Variants in KALRN observed in about 807,000 individuals in gnomAD.
The protein encoded by KALRN is kalirin.
A neutral mutation model predicts 353.7 loss-of-function variants in KALRN; 70 were observed. The observed-to-expected ratio is 0.20, with a 90% CI of 0.16 to 0.24. KALRN has a LOEUF of 0.24. Ranked by LOEUF, KALRN falls within the 10% of genes least tolerant of loss-of-function variation. The pLI is 1.00. For synonymous variants in KALRN, 1,391 were observed against 1,434.8 expected, an observed-to-expected ratio of 0.97 and a Z score of 0.69; for missense variants, 2,791 against 3,756.7, an observed-to-expected ratio of 0.74 and a Z score of 6.72.
At chr3:124,345,519 A>C (rs116105029) in intron 9 of KALRN, among the ~76,000 whole-genome samples, 1,644 of 152,320 alleles carry the variant, frequency 0.011, 12 homozygotes, top group Non-Finnish European at 0.017. Flanking sequence ...TGTTTGCAAA[A>C]GGTAAAAATC....
chr3:124,137,317 A>T (rs180934672), intron 1 of KALRN, among the ~76,000 whole-genome samples: 1 of 152,192 alleles, frequency 6.6e-6, no homozygotes, highest in Non-Finnish European at 1.5e-5. Flanking sequence ...TGGCAAGTCC[A>T]TAAGAGTGGG....
chr3:124,372,428 A>G (rs1456420551), intron 10 of KALRN, among the ~76,000 whole-genome samples: 1 of 152,070 alleles, frequency 6.6e-6, no homozygotes, highest in South Asian at 2.1e-4. Flanking sequence ...TGTGAATTCC[A>G]GATCAACATC....
At chr3:124,346,513 AATTT>A (rs2082275910) in intron 9 of KALRN, among the ~76,000 whole-genome samples, 3 of 152,122 alleles carry the variant, frequency 2.0e-5, no homozygotes, top group Non-Finnish European at 2.9e-5. Flanking sequence ...CAAACACTTT[AATTT>A]ATTTGTTTGT....
chr3:124,135,393 G>A (rs531372690), intron 1 of KALRN, among the ~76,000 whole-genome samples: 1 of 152,070 alleles, frequency 6.6e-6, no homozygotes, highest in Admixed American at 6.6e-5. Flanking sequence ...TGGGAGGGGG[G>A]CAAGGGATAA....
intron 1 of KALRN, among the ~76,000 whole-genome samples, chr3:124,215,612 A>G (rs970049792): frequency 1.3e-5 from 2 of 152,128 alleles, no homozygotes; most frequent in African/African-American, 4.8e-5. Flanking sequence ...AAGTGTAGGT[A>G]TTCTTATCTC....
At chr3:124,702,960 A>G (rs1168189021) in intron 57 of KALRN, among the ~76,000 whole-genome samples, 1 of 152,210 alleles carries the variant, frequency 6.6e-6, no homozygotes, top group Non-Finnish European at 1.5e-5. Context: ...ATTCATCCCT[A>G]TGCATGCTTT....
chr3:124,227,705 T>G (rs1278232669), intron 1 of KALRN, among the ~76,000 whole-genome samples: 3 of 76,276 alleles, frequency 3.9e-5, no homozygotes, highest in African/African-American at 9.3e-5. Flanking sequence ...TTTTTTTTTT[T>G]GCCCCCACTG....
intron 1 of KALRN, among the ~76,000 whole-genome samples, chr3:124,223,603 A>T (rs2078157716): frequency 6.6e-6 from 1 of 152,192 alleles, no homozygotes; most frequent in Admixed American, 6.5e-5. Context: ...TTGAACCTCC[A>T]ATGCTCTATA....
At chr3:124,142,377 C>T (rs950549770) in intron 1 of KALRN, among the ~76,000 whole-genome samples, 1 of 152,190 alleles carries the variant, frequency 6.6e-6, no homozygotes, top group African/African-American at 2.4e-5. Context: ...GTCTCTATCC[C>T]CACAGCATCC....
chr3:124,073,077 T>C (rs2060093860), intron 1 of KALRN, among the ~76,000 whole-genome samples: 1 of 152,208 alleles, frequency 6.6e-6, no homozygotes, highest in Non-Finnish European at 1.5e-5. Flanking sequence ...CTACACTGAT[T>C]ATAGTGAACT....
At chr3:124,132,684 AT>A (rs2065441588) in intron 1 of KALRN, among the ~76,000 whole-genome samples, 1 of 152,132 alleles carries the variant, frequency 6.6e-6, no homozygotes, top group South Asian at 2.1e-4. Context: ...AACTCAGAGA[AT>A]TGGGGAAAAG....
At chr3:124,240,852 A>C (rs575708154) in intron 3 of KALRN, among the ~76,000 whole-genome samples, 1 of 152,292 alleles carries the variant, frequency 6.6e-6, no homozygotes, top group South Asian at 2.1e-4. Context: ...CTATCTCATA[A>C]GGGTATTGTG....
intron 33 of KALRN, among the ~76,000 whole-genome samples, chr3:124,536,978 C>T (rs577589715): frequency 1.1e-3 from 164 of 152,238 alleles, no homozygotes; most frequent in African/African-American, 3.8e-3. Flanking sequence ...TATGATGAGG[C>T]GAAGTACAGC....
At chr3:124,689,072 C>G (rs1157929775) in intron 51 of KALRN, among the ~76,000 whole-genome samples, 2 of 152,212 alleles carry the variant, frequency 1.3e-5, no homozygotes, top group Non-Finnish European at 2.9e-5. Flanking sequence ...TAGTTCTTTC[C>G]CACGGTGTCT....
intron 1 of KALRN, among the ~76,000 whole-genome samples, chr3:124,047,491 CTT>C (rs33947722): frequency 0.067 from 7,280 of 108,486 alleles, 451 homozygotes; most frequent in East Asian, 0.34. Flanking sequence ...TCATAGAACA[CTT>C]TTTTTTTTTT....
At position 124,230,913 on chromosome 3, in the gene KALRN, C is replaced by T. The variant is rs1046380012; in HGVS notation, c.148+2849C>T. ...AACCAACCAACTCTTACATCCTGAG[C>T]TTTTAAAAGATAAAATGCAAAAATA... On this transcript the variant is annotated intron_variant, in intron 2 of 59. Transcript: ENST00000682506. Among the ~76,000 whole-genome samples, 3 of 146,646 alleles carry T rather than the reference C, an allele frequency of 2.0e-5. No individual in the cohort carries two copies. In the South Asian group the frequency reaches 6.4e-4, roughly 31 times the overall value.
intron 33 of KALRN, among the ~76,000 whole-genome samples, chr3:124,508,243 A>T (rs1185066251): frequency 1.3e-5 from 2 of 152,226 alleles, no homozygotes; most frequent in Admixed American, 6.5e-5. Context: ...CAGGTCATGA[A>T]ATAGAACATT....
chr3:124,604,749 C>A (rs1055868289), intron 34 of KALRN, among the ~76,000 whole-genome samples: 1 of 151,554 alleles, frequency 6.6e-6, no homozygotes, highest in Non-Finnish European at 1.5e-5. Context: ...TGCAGTGGTA[C>A]GATCATAGCT....
chr3:124,244,701 G>A (rs937712864), intron 3 of KALRN, among the ~76,000 whole-genome samples: 3 of 151,988 alleles, frequency 2.0e-5, no homozygotes, highest in Non-Finnish European at 2.9e-5. Context: ...CATATCACTG[G>A]GCATCTAAGT....
Sources: gnomAD v4.1 joint callset for allele counts (sites outside exome capture counted in the v4.1 genomes callset) on GRCh38, gnomAD v4.1.1 for gene constraint, MANE v1.5 for transcripts, NCBI Gene and HGNC (gene_info 2026-07-23, HGNC 2026-07-21) for gene names.